Variants in DIP2C observed in about 807,000 individuals in gnomAD.
DIP2C encodes the protein disco-interacting protein 2 homolog C.
In DIP2C, 33 loss-of-function variants were observed where a neutral mutation model predicts 192.4. The ratio of observed to expected loss-of-function variants is 0.17; its 90% CI spans 0.13 to 0.23. The LOEUF is 0.23. Ranked by LOEUF, DIP2C falls within the 10% of genes least tolerant of loss-of-function variation. The pLI is 1.00. For missense variants in DIP2C, 1,537 were observed against 2,110.1 expected (o/e 0.73, Z 5.32); for synonymous variants, 979 against 864.1 (o/e 1.13, Z -2.33).
chr10:384,505 T>G, intron 15 of DIP2C, 41 bp downstream of exon 15: 1 of 1,599,500 alleles, frequency 6.3e-7, no homozygotes, highest in East Asian at 2.2e-5. Flanking sequence ...CCTAAAGCGC[T>G]GGGATTACAG....
intron 4 of DIP2C, among the ~76,000 whole-genome samples, chr10:423,956 A>G (rs1037904033): frequency 2.6e-5 from 4 of 152,214 alleles, no homozygotes; most frequent in Admixed American, 6.5e-5. Context: ...TGCAGATTGG[A>G]TATCTTGGAT....
At chr10:290,617 G>A (rs1400021931) in intron 32 of DIP2C, among the ~76,000 whole-genome samples, 2 of 152,208 alleles carry the variant, frequency 1.3e-5, no homozygotes, top group Non-Finnish European at 2.9e-5. Flanking sequence ...GCGAACCGTG[G>A]GCTTCACCCC....
chr10:414,749 A>G (rs1965475886), intron 7 of DIP2C, among the ~76,000 whole-genome samples: 15 of 132,598 alleles, frequency 1.1e-4, no homozygotes, highest in East Asian at 4.4e-4. Context: ...GTACATATAT[A>G]TATATATAAT....
intron 24 of DIP2C, among the ~76,000 whole-genome samples, chr10:353,822 A>G (rs368179120): frequency 6.6e-6 from 1 of 152,222 alleles, no homozygotes; most frequent in African/African-American, 2.4e-5. Context: ...GTGTGGAGTG[A>G]TTCATCACTG....
intron 1 of DIP2C, among the ~76,000 whole-genome samples, chr10:499,305 CCT>C (rs1491274230): frequency 6.6e-6 from 1 of 152,176 alleles, no homozygotes; most frequent in Non-Finnish European, 1.5e-5. Context: ...TCACCTTCTC[CCT>C]GTGTGGACGG....
intron 1 of DIP2C, among the ~76,000 whole-genome samples, chr10:519,917 G>A (rs1174100299): frequency 6.6e-6 from 1 of 152,202 alleles, no homozygotes. Context: ...CAGCCACTGA[G>A]ACGTGGGCCT....
intron 32 of DIP2C, among the ~76,000 whole-genome samples, chr10:298,311 G>A (rs1955857003): frequency 6.6e-6 from 1 of 152,162 alleles, no homozygotes; most frequent in Admixed American, 6.5e-5. Flanking sequence ...CATTGTTCAT[G>A]GGTAGACACG....
chr10:422,155 A>G (rs540919055), intron 5 of DIP2C, among the ~76,000 whole-genome samples: 1 of 152,304 alleles, frequency 6.6e-6, no homozygotes, highest in South Asian at 2.1e-4. Context: ...TTACTGCTTT[A>G]ATGGAGACAC....
intron 31 of DIP2C, 54 bp from the exon 32 acceptor site, chr10:310,146 T>C (rs1205329350): frequency 6.7e-7 from 1 of 1,482,700 alleles, no homozygotes; most frequent in Non-Finnish European, 9.4e-7. Flanking sequence ...GAGATTGGGG[T>C]CTGTGCTTCT....
chr10:382,925 G>A (rs1192912278), intron 16 of DIP2C, among the ~76,000 whole-genome samples, 164 bp from the exon 17 acceptor site: 1 of 152,210 alleles, frequency 6.6e-6, no homozygotes, highest in Non-Finnish European at 1.5e-5. Flanking sequence ...ACTGAAAGTG[G>A]TTATTCTCAA....
At chr10:453,577 C>T (rs1047966095) in intron 3 of DIP2C, among the ~76,000 whole-genome samples, 1 of 152,182 alleles carries the variant, frequency 6.6e-6, no homozygotes, top group African/African-American at 2.4e-5. Flanking sequence ...GATACTTCCA[C>T]TTAGGGAGAG....
At chr10:434,152 T>C (rs1406400600) in intron 4 of DIP2C, among the ~76,000 whole-genome samples, 1 of 152,204 alleles carries the variant, frequency 6.6e-6, no homozygotes, top group Non-Finnish European at 1.5e-5. Context: ...TTCACTTACA[T>C]TTAACTGTGT....
intron 31 of DIP2C, among the ~76,000 whole-genome samples, chr10:318,443 T>G (rs3123226): frequency 0.98 from 149,647 of 152,312 alleles, 73,552 homozygotes; most frequent in Non-Finnish European, 1. Context: ...GGTGGGGAAG[T>G]CTCGTGTCCA....
At chr10:450,605 A>G (rs575039257) in intron 3 of DIP2C, among the ~76,000 whole-genome samples, 10 of 152,336 alleles carry the variant, frequency 6.6e-5, no homozygotes, top group Admixed American at 2.0e-4. Flanking sequence ...TCAGCTGTCT[A>G]CTAGCAGCAG....
At chr10:367,163 A>G (rs1474300592) in intron 18 of DIP2C, among the ~76,000 whole-genome samples, 3 of 152,226 alleles carry the variant, frequency 2.0e-5, no homozygotes, top group African/African-American at 7.2e-5. Flanking sequence ...CACGCCTGTA[A>G]TCCCAGTACT....
intron 2 of DIP2C, among the ~76,000 whole-genome samples, chr10:485,122 C>G (rs904340050): frequency 2.6e-5 from 4 of 152,246 alleles, no homozygotes; most frequent in African/African-American, 9.6e-5. Flanking sequence ...GCGGGAGGCA[C>G]GGTGCGCTGG....
At chr10:420,948 C>T (rs537334358) in intron 5 of DIP2C, among the ~76,000 whole-genome samples, 39 of 152,324 alleles carry the variant, frequency 2.6e-4, no homozygotes, top group African/African-American at 7.9e-4. Context: ...CGCACGCAGA[C>T]GCACGATCAC....
In DIP2C at chr10:477,710, AGG is replaced by A. The variant is rs529576842; in HGVS notation, c.158-5163_158-5162del. The stretch of plus-strand genomic sequence containing the variant: ...GAAAGCGGAGAAAAGGAAAGAATAA[AGG>A]AGAGAGAAGAAAGAGAAGGAAAGAA... On this transcript the variant is annotated intron_variant, in intron 2 of 36. Transcript: ENST00000280886. Among the ~76,000 whole-genome samples, 14 of 143,374 alleles carry A rather than the reference AGG, an allele frequency of 9.8e-5. No homozygotes were observed. The East Asian group carries it at 2.3e-3, about 23-fold the overall frequency. 94.1% of individuals were successfully genotyped at this position (143,374 alleles called of 152,430 possible). A position where few individuals can be genotyped will look rare whatever the true frequency, so the allele number is the denominator to read the frequency against.
chr10:351,591 T>G (rs1958813240), intron 24 of DIP2C, among the ~76,000 whole-genome samples: 2 of 152,118 alleles, frequency 1.3e-5, no homozygotes. Flanking sequence ...ATTTCCCCAC[T>G]TAGAGGACAC....
Sources: gnomAD v4.1 joint callset for allele counts (sites outside exome capture counted in the v4.1 genomes callset) on GRCh38, gnomAD v4.1.1 for gene constraint, MANE v1.5 for transcripts, NCBI Gene and HGNC (gene_info 2026-07-23, HGNC 2026-07-21) for gene names.